Variants in NAPEPLD observed in about 807,000 individuals in gnomAD.
NAPEPLD encodes the protein N-acyl-phosphatidylethanolamine-hydrolyzing phospholipase D.
A neutral mutation model predicts 38.1 loss-of-function variants in NAPEPLD; 23 were observed. That is an observed-to-expected ratio of 0.60 (90% confidence interval 0.43 to 0.86). The LOEUF (loss-of-function observed/expected upper bound fraction) is 0.86. Ranked by LOEUF, NAPEPLD falls within the 40% of genes least tolerant of loss-of-function variation. The probability of loss-of-function intolerance (pLI) is 0.00; values close to 1 mark genes in which losing one functional copy is unlikely to be tolerated. For synonymous variants in NAPEPLD, 147 were observed against 162.0 expected (o/e 0.91, Z 0.71); for missense variants, 411 against 476.8 (o/e 0.86, Z 1.28).
chr7:103,118,627 T>C, intron 3 of NAPEPLD, among the ~76,000 whole-genome samples: 1 of 152,276 alleles, frequency 6.6e-6, no homozygotes, highest in East Asian at 1.9e-4. Flanking sequence ...GTTGTATGTA[T>C]CTGTCCATGC....
At position 103,103,487 on chromosome 7, in the gene NAPEPLD, A is replaced by C; in HGVS notation, c.1124T>G (p.Phe375Cys). The part of the protein sequence containing the change: ...LERYGLNAED[F>C]FVLKHGESRY... ...TGATTCTCCATGCTTCAAGACAAAA[A>C]AATCTTCAGCGTTAAGTCCGTATCT... is the stretch of plus-strand genomic sequence containing the variant. The change falls in exon 5 of 5, where the codon TTT becomes TGT. Residue 375 changes from phenylalanine to cysteine, a missense_variant. Coordinates refer to ENST00000465647, the MANE Select transcript of NAPEPLD (RefSeq NM_001122838.3). 6.3e-7 allele frequency: 1 copy of C among 1,599,254 alleles called. No individual in the cohort carries two copies. Among genetic ancestry groups the C allele is most frequent in the Non-Finnish European group, 8.5e-7 (1 of 1,176,358 alleles).
upstream of NAPEPLD, chr7:103,149,315 A>G: frequency 9.1e-7 from 1 of 1,102,816 alleles, no homozygotes; most frequent in Non-Finnish European, 1.1e-6. Context: ...GCGCCGCCTC[A>G]GTTCCGCGGC....
intron 1 of NAPEPLD, among the ~76,000 whole-genome samples, chr7:103,144,429 A>C (rs1056887799): frequency 6.6e-6 from 1 of 152,210 alleles, no homozygotes; most frequent in Admixed American, 6.5e-5. Context: ...TTCAAATGCT[A>C]TAACTTTCAT....
chr7:103,149,580 T>A (rs1813311594), upstream of NAPEPLD: 1 of 986,068 alleles, frequency 1.0e-6, no homozygotes, highest in African/African-American at 1.8e-5. Context: ...CTCCAGCCCT[T>A]ACCAAGATGG....
upstream of NAPEPLD, chr7:103,149,402 C>G (rs570203193): frequency 3.1e-4 from 385 of 1,223,302 alleles, 5 homozygotes; most frequent in South Asian, 4.2e-3. Flanking sequence ...CGGGTTCTTC[C>G]TAACCCGAGC....
intron 4 of NAPEPLD, among the ~76,000 whole-genome samples, chr7:103,105,038 TGTCTTTA>T (rs1563343022): frequency 6.6e-6 from 1 of 152,224 alleles, no homozygotes; most frequent in African/African-American, 2.4e-5. Flanking sequence ...GTAGACCCTC[TGTCTTTA>T]ATCTGCCTAG....
intron 3 of NAPEPLD, among the ~76,000 whole-genome samples, chr7:103,119,003 C>T (rs144158589): frequency 6.0e-4 from 92 of 152,228 alleles, no homozygotes; most frequent in African/African-American, 1.9e-3. Context: ...CTTTGCTAAA[C>T]GTAGGAGAGC....
At chr7:103,141,725 T>C in intron 1 of NAPEPLD, 1 of 859,810 alleles carries the variant, frequency 1.2e-6, no homozygotes, top group Non-Finnish European at 2.0e-6. Context: ...ATGCCTGCCC[T>C]TCCGGCAGGC....
intron 1 of NAPEPLD, among the ~76,000 whole-genome samples, chr7:103,140,463 G>A (rs1268624420): frequency 3.4e-5 from 5 of 145,108 alleles, no homozygotes; most frequent in Non-Finnish European, 7.4e-5. Context: ...CGTGATCTCG[G>A]CTCACTGCAA....
Position 103,119,944 on chromosome 7 carries a change from C to T in NAPEPLD, c.574G>A (p.Asp192Asn), listed in dbSNP as rs1370957614. The T allele has an allele frequency of 1.2e-6, 2 of 1,614,200 alleles. No homozygotes were observed. Among genetic ancestry groups the T allele is most frequent in the Non-Finnish European group, 1.7e-6 (2 of 1,180,036 alleles). Residue 192 changes from aspartate to asparagine, a missense_variant, in exon 3 of 5, where the codon GAC becomes AAC. Asp to Asn is a conservative substitution (Grantham distance 23). Coordinates refer to ENST00000465647, the MANE Select transcript of NAPEPLD (RefSeq NM_001122838.3). Reference sequence around the variant, plus strand: ...TTCAAAGCAATGACAGAATTGTAGTCCAGATGGTCATAGTGGTTGTGACTG... The same window carrying T: ...TTCAAAGCAATGACAGAATTGTAGTTCAGATGGTCATAGTGGTTGTGACTG... ...LISHNHYDHL[D>N]YNSVIALNER...
In NAPEPLD at chr7:103,120,128, C is replaced by A; in HGVS notation, c.390G>T (p.Leu130=). The A allele has an allele frequency of 6.2e-7, 1 of 1,614,192 alleles. No individual in the cohort carries two copies. The highest frequency in any genetic ancestry group is 8.5e-7 in the Non-Finnish European group (1 of 1,180,042). Reference sequence around the variant, plus strand: ...TTTCCACCATTACCGTGGCATGTCCCAGCCATGTGACTCTTAAGCCAGCTT... The same window carrying A: ...TTTCCACCATTACCGTGGCATGTCCAAGCCATGTGACTCTTAAGCCAGCTT... The part of the protein sequence containing the change: ...VREAGLRVTW[L]GHATVMVEMD... The change falls in exon 3 of 5, where the codon CTG becomes CTT. Residue 130 remains leucine, a synonymous_variant. Coordinates refer to ENST00000465647, the MANE Select transcript of NAPEPLD (RefSeq NM_001122838.3).
At chr7:103,127,537 A>C (rs558469259) in intron 2 of NAPEPLD, 4 of 152,358 alleles carry the variant, frequency 2.6e-5, no homozygotes, top group East Asian at 1.9e-4. Context: ...AGAAGACACA[A>C]GGGAGCCCAG....
At chr7:103,141,328 G>A in intron 1 of NAPEPLD, 1 of 530,812 alleles carries the variant, frequency 1.9e-6, no homozygotes, top group Non-Finnish European at 3.7e-6. Flanking sequence ...AGGCCAGTAT[G>A]TACACACAAA....
At chr7:103,120,372 T>G in intron 2 of NAPEPLD, 149 bp from the exon 3 acceptor site, 2 of 738,314 alleles carry the variant, frequency 2.7e-6, no homozygotes, top group Non-Finnish European at 4.2e-6. Flanking sequence ...TTTTGCTTTT[T>G]TCTTGAAAAT....
intron 4 of NAPEPLD, among the ~76,000 whole-genome samples, chr7:103,112,407 G>A (rs1804709894): frequency 6.6e-6 from 1 of 152,178 alleles, no homozygotes; most frequent in Admixed American, 6.5e-5. Context: ...TATACACCAT[G>A]GAATACTATG....
At chr7:103,123,530 A>G (rs888956720) in intron 2 of NAPEPLD, among the ~76,000 whole-genome samples, 1 of 152,228 alleles carries the variant, frequency 6.6e-6, no homozygotes, top group African/African-American at 2.4e-5. Context: ...AATGATGATG[A>G]ACTACCTAAT....
Position 103,101,012 on chromosome 7 carries a change from C to G in NAPEPLD, c.*2417G>C, listed in dbSNP as rs1802316887. ...TTGAGACCCTCAGTTAAACAGTACA[C>G]GTGAATACAAAATAATGTTAAGGCC... On this transcript the variant is annotated 3_prime_UTR_variant, in exon 5 of 5. Coordinates refer to ENST00000465647, the MANE Select transcript of NAPEPLD (RefSeq NM_001122838.3). 1 of 152,116 alleles carries G rather than the reference C, an allele frequency of 6.6e-6. No homozygotes were observed. The highest frequency in any genetic ancestry group is 2.4e-5 in the African/African-American group (1 of 41,422). 9.4% of individuals were successfully genotyped at this position (152,116 alleles called of 1,614,324 possible).
intron 4 of NAPEPLD, among the ~76,000 whole-genome samples, chr7:103,105,064 G>T (rs769140594): frequency 6.6e-6 from 1 of 152,160 alleles, no homozygotes; most frequent in African/African-American, 2.4e-5. Flanking sequence ...AGATTTAGCA[G>T]TATCTTTCTG....
intron 3 of NAPEPLD, among the ~76,000 whole-genome samples, chr7:103,118,209 A>T (rs1327061132): frequency 6.6e-6 from 1 of 152,202 alleles, no homozygotes; most frequent in African/African-American, 2.4e-5. Context: ...CAAAAAAGGA[A>T]CATACATCGA....
Sources: gnomAD v4.1 joint callset for allele counts (sites outside exome capture counted in the v4.1 genomes callset) on GRCh38, gnomAD v4.1.1 for gene constraint, MANE v1.5 for transcripts, NCBI Gene and HGNC (gene_info 2026-07-23, HGNC 2026-07-21) for gene names.